NTMT2: variants seen among roughly 807,000 people sequenced by gnomAD.
NTMT2 encodes X-Pro-Lys N-terminal protein methyltransferase 1B.
A neutral mutation model predicts 23.4 loss-of-function variants in NTMT2; 21 were observed. That is an observed-to-expected ratio of 0.90 (90% CI 0.64 to 1.29). The LOEUF (loss-of-function observed/expected upper bound fraction) is 1.29. Ranked by LOEUF, NTMT2 falls within the 50% of genes most tolerant of loss-of-function variation. The pLI, the probability that NTMT2 is intolerant of heterozygous loss-of-function variation, is 0.00. For missense variants in NTMT2, 336 were observed against 352.0 expected (o/e 0.95, Z 0.36); for synonymous variants, 131 against 127.7 (o/e 1.03, Z -0.17).
In NTMT2 at chr1:170,166,678, C is replaced by T. The variant is rs1248178631; in HGVS notation, c.507C>T (p.Tyr169=). ...LQVKGDKVES[Y]HCYSLQEFTP... is the part of the protein sequence containing the mutation. ...TCAAAGGTGACAAAGTAGAAAGCTA[C>T]CACTGCTACAGCCTGCAGGAATTCA... Residue 169 remains tyrosine (Y), a synonymous_variant, in exon 3 of 4, where the codon TAC becomes TAT. Transcript: ENST00000439373. 3 of 1,552,242 alleles carry T rather than the reference C, an allele frequency of 1.9e-6. No individual in the cohort carries two copies. The highest frequency in any genetic ancestry group is 4.9e-5 in the East Asian group (2 of 40,916).
In NTMT2 at chr1:170,166,651, G is replaced by T. The variant is rs1299770096; in HGVS notation, c.480G>T (p.Gln160His). ...SFLLEAQNYL[Q>H]VKGDKVESYH... The stretch of plus-strand genomic sequence containing the variant: ...TCCTTGAAGCCCAGAACTACCTGCA[G>T]GTCAAAGGTGACAAAGTAGAAAGCT... Residue 160 changes from glutamine (Q) to histidine (H), a missense_variant, in exon 3 of 4, where the codon CAG becomes CAT. Gln to His is a conservative substitution (Grantham distance 24). Coordinates refer to ENST00000439373, the MANE Select transcript of NTMT2 (RefSeq NM_001136107.2). The T allele has an allele frequency of 3.2e-6, 5 of 1,552,144 alleles. No homozygotes were observed. The highest frequency in any genetic ancestry group is 4.4e-6 in the Non-Finnish European group (5 of 1,147,070).
intron 1 of NTMT2, chr1:170,158,181 T>TA (rs1673201743): frequency 6.6e-6 from 1 of 152,094 alleles, no homozygotes; most frequent in Non-Finnish European, 1.5e-5. Context: ...GATCTCAGAA[T>TA]ATTGGTGGCA....
chr1:170,150,694 T>C (rs1673051520), intron 1 of NTMT2, among the ~76,000 whole-genome samples: 1 of 152,216 alleles, frequency 6.6e-6, no homozygotes, highest in Admixed American at 6.5e-5. Flanking sequence ...GAGCATTCGC[T>C]TTCTGTTGAG....
chr1:170,146,398 C>A, intron 1 of NTMT2, 137 bp downstream of exon 1: 2 of 783,920 alleles, frequency 2.6e-6, no homozygotes, highest in South Asian at 1.8e-5. Context: ...TGTCACTGGG[C>A]TGAAATGTTT....
At position 170,166,515 on chromosome 1, in the gene NTMT2, C is replaced by A; in HGVS notation, c.344C>A (p.Ala115Asp). The change falls in exon 3 of 4, where the codon GCT (alanine) becomes GAT (aspartate). Residue 115 changes from alanine to aspartate, a missense_variant. Transcript: ENST00000439373. ...LRKFVGGPGR[A>D]GTDCALDCGS... is the part of the protein sequence containing the mutation. ...GCCTTTCTGCAGGGGCCTGGGAGAGCTGGAACAGACTGCGCCTTGGACTGC... is the reference window on the plus strand; with the variant it reads ...GCCTTTCTGCAGGGGCCTGGGAGAGATGGAACAGACTGCGCCTTGGACTGC... 2 of 1,552,274 alleles carry A rather than the reference C, an allele frequency of 1.3e-6. No individual in the cohort carries two copies. Among genetic ancestry groups the A allele is most frequent in the Non-Finnish European group, 1.7e-6 (2 of 1,147,130 alleles).
At chr1:170,151,103 ACAGAAAGAC>A (rs1375612919) in intron 1 of NTMT2, among the ~76,000 whole-genome samples, 2 of 152,154 alleles carry the variant, frequency 1.3e-5, no homozygotes, top group Non-Finnish European at 2.9e-5. Context: ...GTGTGGTTTA[ACAGAAAGAC>A]CAGAAGCTTT....
intron 2 of NTMT2, among the ~76,000 whole-genome samples, chr1:170,160,969 T>C (rs552642851): frequency 1.3e-5 from 2 of 152,334 alleles, no homozygotes; most frequent in Admixed American, 1.3e-4. Flanking sequence ...AGTGTTGATA[T>C]AAAATTTGGG....
rs557024982 is a variant in NTMT2 at position 170,163,953 on chromosome 1, T to G, written c.331-2549T>G. ...GCTGGCCAACATGGTAAAACCCCAT[T>G]TCTACTAAAAATACAAAAATCAGTG... On this transcript the variant is annotated intron_variant, in intron 2 of 3. Transcript: ENST00000439373. 4.6e-5 allele frequency among the ~76,000 whole-genome samples: 7 copies of G among 152,022 alleles called. No individual in the cohort carries two copies. In the East Asian group the frequency reaches 1.4e-3, roughly 29 times the overall value.
chr1:170,160,486 A>G, intron 1 of NTMT2, 32 bp from the exon 2 acceptor site: 1 of 1,462,758 alleles, frequency 6.8e-7, no homozygotes. Context: ...TCTTATAAAT[A>G]TTAATACCTA....
chr1:170,168,097 A>G lies in NTMT2; in HGVS notation c.*340A>G, dbSNP rs1571829993. Among the ~76,000 whole-genome samples the G allele has an allele frequency of 3.3e-5, 5 of 151,584 alleles. No individual in the cohort carries two copies. Among genetic ancestry groups the G allele is most frequent in the East Asian group, 3.9e-4 (2 of 5,176 alleles). On this transcript the variant is annotated 3_prime_UTR_variant, in exon 4 of 4. Transcript: ENST00000439373. ...CTGGCCTGCATCAGTATTTGTAAAA[A>G]TTGTCTTTCACAACATCCTAGACAA...
At position 170,146,025 on chromosome 1, in the gene NTMT2, C is replaced by T. The variant is rs1672955953; in HGVS notation, c.-83C>T. 7 of 1,308,134 alleles carry T rather than the reference C, an allele frequency of 5.4e-6. No individual in the cohort carries two copies. In the Admixed American group the frequency reaches 1.7e-4, roughly 31 times the overall value. The allele number at this position is 1,308,134 out of a possible 1,614,324, so 81.0% of individuals were successfully genotyped here. On this transcript the variant is annotated 5_prime_UTR_variant, in exon 1 of 4. Transcript: ENST00000439373. ...TGGTTTAAAATGACAGTCTCAAGTT[C>T]ATTTAGAAAGAGAAGGCTAATTCAA...
chr1:170,167,390 A>G, intron 3 of NTMT2, 96 bp from the exon 4 acceptor site: 2 of 1,133,328 alleles, frequency 1.8e-6, no homozygotes, highest in Non-Finnish European at 2.4e-6. Context: ...GAGTGAACAA[A>G]TGGTCTCCTG....
intron 1 of NTMT2, among the ~76,000 whole-genome samples, chr1:170,148,929 G>C (rs957986033): frequency 6.6e-6 from 1 of 152,058 alleles, no homozygotes; most frequent in African/African-American, 2.4e-5. Context: ...TCATTGTCCA[G>C]AACTACAAGA....
chr1:170,163,726 G>A (rs1673318062), intron 2 of NTMT2, among the ~76,000 whole-genome samples: 2 of 152,200 alleles, frequency 1.3e-5, no homozygotes, highest in African/African-American at 2.4e-5. Context: ...CTAAAATAAT[G>A]TTCTTCAAAA....
intron 2 of NTMT2, among the ~76,000 whole-genome samples, chr1:170,165,961 T>G (rs1673370340): frequency 6.6e-6 from 1 of 151,986 alleles, no homozygotes. Context: ...GTTTAGCTGT[T>G]TTTTGAAAAG....
chr1:170,165,066 A>AT (rs59316234), intron 2 of NTMT2, among the ~76,000 whole-genome samples: 15,049 of 149,700 alleles, frequency 0.1, 848 homozygotes, highest in Middle Eastern at 0.18. Flanking sequence ...TCCTTAGCCA[A>AT]TTTTTTTTTT....
chr1:170,153,096 A>T (rs1673101413), intron 1 of NTMT2, among the ~76,000 whole-genome samples: 3 of 152,160 alleles, frequency 2.0e-5, no homozygotes, highest in Admixed American at 2.0e-4. Flanking sequence ...ACTTTTAGCT[A>T]TGAGTAAAAG....
rs201341297 is a variant in NTMT2 at position 170,160,686 on chromosome 1, T to A, written c.323T>A (p.Phe108Tyr). 6.6e-7 allele frequency: 1 copy of A among 1,525,726 alleles called. No individual in the cohort carries two copies. Among genetic ancestry groups the A allele is most frequent in the African/African-American group, 1.4e-5 (1 of 71,520 alleles). The allele number at this position is 1,525,726 out of a possible 1,614,324, so 94.5% of individuals were successfully genotyped here. A position where few individuals can be genotyped will look rare whatever the true frequency, so the allele number is the denominator to read the frequency against. Residue 108 changes from phenylalanine to tyrosine, a missense_variant, in exon 2 of 4, where the codon TTT (phenylalanine) becomes TAT (tyrosine). Transcript: ENST00000439373. The part of the protein sequence containing the change: ...IQASQKFLRK[F>Y]VGGPGRAGTD... ...GCCTCTCAGAAATTTCTTAGGAAAT[T>A]TGTTGGGGTGAGTTATTCAACTGCA...
intron 1 of NTMT2, among the ~76,000 whole-genome samples, chr1:170,148,258 C>T (rs1485379159): frequency 6.8e-6 from 1 of 147,608 alleles, no homozygotes; most frequent in Non-Finnish European, 1.5e-5. Flanking sequence ...ACTCCATTCT[C>T]CTGCCTCAGC....
Sources: allele counts gnomAD v4.1 joint callset (sites outside exome capture counted in the v4.1 genomes callset), GRCh38; gene constraint gnomAD v4.1.1; transcripts MANE v1.5; gene names NCBI Gene and HGNC (gene_info 2026-07-23, HGNC 2026-07-21).